Variants in RP1 observed in about 807,000 individuals in gnomAD.
The protein encoded by RP1 is RP1 axonemal microtubule associated, also known as oxygen-regulated protein 1.
A neutral mutation model predicts 14.8 loss-of-function variants in RP1; 16 were observed. That is an observed-to-expected ratio of 1.08 (90% CI 0.73 to 1.65). The LOEUF is 1.65. Among genes scored for constraint, RP1 ranks in the 40% most tolerant of loss-of-function variants. RP1 has a pLI of 0.00. For missense variants in RP1, 2,631 were observed against 2,535.0 expected, an observed-to-expected ratio of 1.04 and a Z score of -0.81; for synonymous variants, 876 against 883.6, an observed-to-expected ratio of 0.99 and a Z score of 0.15.
intron 25 of RP1, among the ~76,000 whole-genome samples, chr8:54,842,623 G>A (rs541716855): frequency 6.6e-6 from 1 of 152,272 alleles, no homozygotes; most frequent in Admixed American, 6.5e-5. Context: ...AGCACTTTGG[G>A]ATTAGTATAG....
chr8:54,599,092 G>T (rs1483968023), intron 1 of RP1, among the ~76,000 whole-genome samples: 3 of 151,848 alleles, frequency 2.0e-5, no homozygotes, highest in East Asian at 1.9e-4. Context: ...GAGATCTTTT[G>T]TTATAGTTCT....
At chr8:54,711,441 C>T (rs1173518121) in intron 15 of RP1, among the ~76,000 whole-genome samples, 2 of 152,220 alleles carry the variant, frequency 1.3e-5, no homozygotes, top group African/African-American at 4.8e-5. Context: ...CTTGAATACT[C>T]TGTAAATCAT....
chr8:54,714,818 C>T (rs1322212207), intron 15 of RP1, among the ~76,000 whole-genome samples: 4 of 152,200 alleles, frequency 2.6e-5, no homozygotes, highest in Non-Finnish European at 5.9e-5. Flanking sequence ...TTGTAGATCA[C>T]AGTCTATGTA....
chr8:54,719,345 G>A (rs768993450), intron 15 of RP1, among the ~76,000 whole-genome samples: 4 of 152,154 alleles, frequency 2.6e-5, no homozygotes, highest in African/African-American at 4.8e-5. Flanking sequence ...TATAAAAAGC[G>A]AGAGAGAAAG....
At chr8:54,686,855 G>GA (rs1039773061) in intron 12 of RP1, among the ~76,000 whole-genome samples, 1 of 151,952 alleles carries the variant, frequency 6.6e-6, no homozygotes, top group Non-Finnish European at 1.5e-5. Context: ...ACTTTCAAGA[G>GA]AAAAAATTTA....
chr8:54,628,014 C>G lies in RP1; in HGVS notation c.4132C>G (p.Pro1378Ala). 3.1e-6 allele frequency: 5 copies of G among 1,613,784 alleles called. No individual in the cohort carries two copies. Among genetic ancestry groups the G allele is most frequent in the Non-Finnish European group, 4.2e-6 (5 of 1,179,892 alleles). Residue 1378 changes from proline to alanine, a missense_variant, in exon 4 of 4, where the codon CCT becomes GCT. Transcript: ENST00000220676. The part of the protein sequence containing the change: ...IQKDLNILTD[P>A]EYKNGFNTLV... ...GAAAGATCTAAATATTTTGACAGAC[C>G]CTGAATATAAAAATGGATTTAATAC...
At chr8:54,642,191 T>TAATC (rs1806465532) in intron 3 of RP1, among the ~76,000 whole-genome samples, 1 of 152,136 alleles carries the variant, frequency 6.6e-6, no homozygotes, top group Admixed American at 6.6e-5. Flanking sequence ...AGGACTTTTA[T>TAATC]AATCACAAGG....
chr8:54,837,227 A>G (rs1246015508), intron 24 of RP1, among the ~76,000 whole-genome samples: 2 of 152,220 alleles, frequency 1.3e-5, no homozygotes, highest in Non-Finnish European at 2.9e-5. Flanking sequence ...GAAAGGATGT[A>G]ATGAAAACTA....
In RP1 at chr8:54,583,211, G is replaced by C. The variant is rs570763236; in HGVS notation, c.-13+23891G>C. 6.9e-4 allele frequency among the ~76,000 whole-genome samples: 105 copies of C among 152,222 alleles called. 1 individual carries two copies. In the East Asian group the frequency reaches 0.013, roughly 18 times the overall value. ...TTTATTGAGAGTTTTTAGCATGAAG[G>C]GTTGTTGAATTTTGTTGAAGGCCTT... On this transcript the variant is annotated intron_variant, in intron 1 of 22. Coordinates refer to the RP1 transcript ENST00000636932.
intron 24 of RP1, among the ~76,000 whole-genome samples, chr8:54,820,409 C>T (rs1452052147): frequency 6.6e-6 from 1 of 152,102 alleles, no homozygotes; most frequent in African/African-American, 2.4e-5. Flanking sequence ...TATACAGGAC[C>T]CTAGACTGCT....
At chr8:54,654,309 C>T (rs1041797834) in intron 5 of RP1, among the ~76,000 whole-genome samples, 4 of 152,018 alleles carry the variant, frequency 2.6e-5, no homozygotes, top group Non-Finnish European at 4.4e-5. Context: ...ATGATAGCAA[C>T]AATAATACAT....
exon 17 of RP1, chr8:54,726,381 C>T: frequency 6.5e-7 from 1 of 1,532,302 alleles, no homozygotes; most frequent in Non-Finnish European, 8.7e-7. Flanking sequence ...TCTGCAACAC[C>T]CAGCCAAGAA....
intron 27 of RP1, among the ~76,000 whole-genome samples, chr8:54,859,911 G>A (rs1277398741): frequency 1.3e-5 from 2 of 152,098 alleles, no homozygotes; most frequent in Non-Finnish European, 2.9e-5. Flanking sequence ...CCAGACTCTT[G>A]TTTTAAAAAA....
chr8:54,647,633 T>C (rs1198949791), intron 3 of RP1, among the ~76,000 whole-genome samples: 1 of 152,118 alleles, frequency 6.6e-6, no homozygotes, highest in African/African-American at 2.4e-5. Flanking sequence ...TTCTTACTTA[T>C]TTTATGTAAT....
intron 12 of RP1, among the ~76,000 whole-genome samples, chr8:54,694,871 G>T (rs1807816720): frequency 6.6e-6 from 1 of 152,018 alleles, no homozygotes; most frequent in Non-Finnish European, 1.5e-5. Flanking sequence ...GCTTTTGAAT[G>T]TGTTTGCTCT....
chr8:54,798,696 T>G (rs900169239), intron 24 of RP1, among the ~76,000 whole-genome samples: 8 of 152,206 alleles, frequency 5.3e-5, no homozygotes, highest in African/African-American at 1.9e-4. Flanking sequence ...TGAAGTGATT[T>G]GTCCTCAGAA....
At chr8:54,858,409 A>G (rs981318343) in intron 27 of RP1, among the ~76,000 whole-genome samples, 1 of 151,978 alleles carries the variant, frequency 6.6e-6, no homozygotes, top group Non-Finnish European at 1.5e-5. Context: ...GAGCAATGCC[A>G]CTGTAGAGTG....
intron 18 of RP1, among the ~76,000 whole-genome samples, chr8:54,735,249 A>G (rs1244999235): frequency 6.6e-6 from 1 of 152,198 alleles, no homozygotes; most frequent in Non-Finnish European, 1.5e-5. Flanking sequence ...AGCTTTGCCC[A>G]TGCCCATTTC....
At chr8:54,795,573 T>G (rs1486377382) in intron 24 of RP1, among the ~76,000 whole-genome samples, 1 of 152,104 alleles carries the variant, frequency 6.6e-6, no homozygotes, top group East Asian at 1.9e-4. Context: ...CCAAAAACCT[T>G]TGTGGAGAGG....
Sources: allele counts gnomAD v4.1 joint callset (sites outside exome capture counted in the v4.1 genomes callset), GRCh38; gene constraint gnomAD v4.1.1; transcripts MANE v1.5; gene names NCBI Gene and HGNC (gene_info 2026-07-23, HGNC 2026-07-21).